The following RASA2 variants were observed in gnomAD, a reference collection of about 807,000 sequenced individuals.
RASA2 encodes ras GTPase-activating protein 2.
In RASA2, 155 loss-of-function variants were observed where a neutral mutation model predicts 118.2. The observed-to-expected ratio is 1.31, with a 90% CI of 1.15 to 1.50. RASA2 has a LOEUF of 1.50. Ranked by LOEUF, RASA2 falls within the 40% of genes most tolerant of loss-of-function variation. The pLI, the probability that RASA2 is intolerant of heterozygous loss-of-function variation, is 0.00. For missense variants in RASA2, 1,016 were observed against 1,009.6 expected, an observed-to-expected ratio of 1.01 and a Z score of -0.09; for synonymous variants, 353 against 349.1, an observed-to-expected ratio of 1.01 and a Z score of -0.12.
chr3:141,533,224 A>C (rs960141489), intron 4 of RASA2, among the ~76,000 whole-genome samples: 3 of 152,110 alleles, frequency 2.0e-5, no homozygotes, highest in African/African-American at 7.2e-5. Flanking sequence ...TCAGATGTCT[A>C]CTTCAATCTA....
chr3:141,587,575 A>G (rs931479227), intron 19 of RASA2, among the ~76,000 whole-genome samples: 3 of 152,052 alleles, frequency 2.0e-5, no homozygotes, highest in Non-Finnish European at 4.4e-5. Context: ...TTAGCTGGGC[A>G]TGGTGGCGCA....
intron 19 of RASA2, among the ~76,000 whole-genome samples, chr3:141,594,665 A>G (rs568288596): frequency 6.6e-6 from 1 of 152,322 alleles, no homozygotes; most frequent in Non-Finnish European, 1.5e-5. Context: ...TCAACCTAAC[A>G]TTCTAGAGAA....
chr3:141,610,010 T>C lies in RASA2; in HGVS notation c.2463T>C (p.Asp821=). The change falls in exon 23 of 24, where the codon GAT becomes GAC. Residue 821 remains aspartate, a synonymous_variant. Coordinates refer to ENST00000286364, the MANE Select transcript of RASA2 (RefSeq NM_006506.5). ...TAAAAAGCATAATTGAGAAGCTGGA[T>C]GAACCTCATGAAAAATATAGGAAGA... is the stretch of plus-strand genomic sequence containing the variant. ...QQIKSIIEKL[D]EPHEKYRKKR... The C allele has an allele frequency of 1.2e-6, 2 of 1,604,892 alleles. No individual in the cohort carries two copies. The highest frequency in any genetic ancestry group is 1.7e-6 in the Non-Finnish European group (2 of 1,175,938).
rs1469717441 is a variant in RASA2, at chr3:141,586,529, T to C, written c.1827-117T>C. On this transcript the variant is annotated intron_variant, in intron 18 of 23. Coordinates refer to ENST00000286364, the MANE Select transcript of RASA2 (RefSeq NM_006506.5). ...GTCATGGATAGCAAAAACATTTTTA[T>C]ATATTTAATATAATCTTACACTACT... 1.4e-5 allele frequency: 9 copies of C among 627,336 alleles called. No individual in the cohort carries two copies. In the East Asian group the frequency reaches 2.7e-4, roughly 19 times the overall value. 38.9% of individuals were successfully genotyped at this position (627,336 alleles called of 1,614,324 possible).
intron 14 of RASA2, among the ~76,000 whole-genome samples, chr3:141,574,750 C>G (rs912509155): frequency 4.6e-5 from 7 of 152,158 alleles, no homozygotes; most frequent in African/African-American, 1.7e-4. Context: ...TCTTTTCCAG[C>G]TGCATGCATT....
intron 1 of RASA2, among the ~76,000 whole-genome samples, chr3:141,504,849 T>A (rs2081840164): frequency 6.6e-6 from 1 of 152,162 alleles, no homozygotes; most frequent in Non-Finnish European, 1.5e-5. Flanking sequence ...CCCACTTTGC[T>A]TATTGCTTTG....
chr3:141,604,678 A>C (rs567692329), intron 19 of RASA2, among the ~76,000 whole-genome samples: 1 of 149,108 alleles, frequency 6.7e-6, no homozygotes, highest in Non-Finnish European at 1.5e-5. Flanking sequence ...TTGTGGGAGT[A>C]CTTAAGGAAT....
chr3:141,532,207 C>A (rs1368429289), intron 4 of RASA2, among the ~76,000 whole-genome samples: 1 of 152,110 alleles, frequency 6.6e-6, no homozygotes, highest in South Asian at 2.1e-4. Flanking sequence ...TCCAGAGTCA[C>A]AGAACTACTA....
At chr3:141,547,957 C>T (rs1420337892) in intron 5 of RASA2, among the ~76,000 whole-genome samples, 1 of 152,078 alleles carries the variant, frequency 6.6e-6, no homozygotes, top group Non-Finnish European at 1.5e-5. Flanking sequence ...GGTTCTTGCC[C>T]TTCATTCTGT....
chr3:141,540,845 A>G (rs1167831281), intron 5 of RASA2, among the ~76,000 whole-genome samples: 2 of 152,146 alleles, frequency 1.3e-5, no homozygotes, highest in Non-Finnish European at 2.9e-5. Flanking sequence ...AATGATATAT[A>G]TGGGCATTAA....
chr3:141,593,321 A>G (rs944241411), intron 19 of RASA2, among the ~76,000 whole-genome samples: 11 of 152,186 alleles, frequency 7.2e-5, no homozygotes, highest in Admixed American at 3.9e-4. Flanking sequence ...TGCTGGGATT[A>G]CAGGCATGAG....
chr3:141,551,197 C>T (rs2082569856), intron 5 of RASA2, among the ~76,000 whole-genome samples: 1 of 152,118 alleles, frequency 6.6e-6, no homozygotes, highest in Non-Finnish European at 1.5e-5. Flanking sequence ...GAGCTTTGTT[C>T]GGCACTTGGT....
intron 1 of RASA2, among the ~76,000 whole-genome samples, chr3:141,501,302 A>T (rs2081775654): frequency 6.6e-6 from 1 of 152,222 alleles, no homozygotes; most frequent in African/African-American, 2.4e-5. Context: ...CTCCTCTGTT[A>T]TACCCAGTTG....
chr3:141,533,381 A>G (rs1031408594), intron 4 of RASA2, among the ~76,000 whole-genome samples: 1 of 152,172 alleles, frequency 6.6e-6, no homozygotes, highest in Non-Finnish European at 1.5e-5. Context: ...TAGTTCTACC[A>G]CTAATTAGCA....
At chr3:141,530,131 C>T (rs2082240112) in intron 4 of RASA2, among the ~76,000 whole-genome samples, 1 of 151,970 alleles carries the variant, frequency 6.6e-6, no homozygotes, top group South Asian at 2.1e-4. Flanking sequence ...TTAACTCTGA[C>T]TTTGGGGGAG....
intron 9 of RASA2, among the ~76,000 whole-genome samples, chr3:141,563,148 A>G (rs1158620086): frequency 1.3e-5 from 2 of 152,202 alleles, no homozygotes; most frequent in African/African-American, 4.8e-5. Flanking sequence ...TACTCTTGAG[A>G]GCATAAGGAT....
chr3:141,507,949 G>A (rs2081893768), intron 1 of RASA2, among the ~76,000 whole-genome samples: 1 of 152,124 alleles, frequency 6.6e-6, no homozygotes, highest in African/African-American at 2.4e-5. Context: ...GGTTGAAATG[G>A]ATGTGAACAG....
At chr3:141,578,402 C>T (rs1297270071) in intron 15 of RASA2, 2 of 152,166 alleles carry the variant, frequency 1.3e-5, no homozygotes, top group Non-Finnish European at 2.9e-5. Flanking sequence ...ACTCTTTGCC[C>T]TTAGGAAACT....
At chr3:141,545,914 A>G (rs1037447948) in intron 5 of RASA2, among the ~76,000 whole-genome samples, 4 of 152,006 alleles carry the variant, frequency 2.6e-5, no homozygotes, top group African/African-American at 4.8e-5. Context: ...CATGAGTTCA[A>G]TTGTTTGAGT....
Sources: allele counts gnomAD v4.1 joint callset (sites outside exome capture counted in the v4.1 genomes callset), GRCh38; gene constraint gnomAD v4.1.1; transcripts MANE v1.5; gene names NCBI Gene and HGNC (gene_info 2026-07-23, HGNC 2026-07-21).